RBM47: variants seen among roughly 807,000 people sequenced by gnomAD.
RBM47 encodes the protein RNA binding motif protein 47, also known as RNA-binding protein 47.
Under a neutral mutation model 47.1 loss-of-function variants are expected in RBM47, and 21 were observed. The observed-to-expected ratio is 0.45, with a 90% CI of 0.32 to 0.64. The LOEUF (loss-of-function observed/expected upper bound fraction) is 0.64, where lower values mean the gene tolerates loss of function less well. Ranked by LOEUF, RBM47 falls within the 30% of genes least tolerant of loss-of-function variation. The pLI, the probability that RBM47 is intolerant of heterozygous loss-of-function variation, is 0.05. For synonymous variants in RBM47, 375 were observed against 361.7 expected, an observed-to-expected ratio of 1.04 and a Z score of -0.42; for missense variants, 708 against 870.9, an observed-to-expected ratio of 0.81 and a Z score of 2.35.
At chr4:40,516,630 G>GTATTAT (rs1329696987) in intron 2 of RBM47, among the ~76,000 whole-genome samples, 2 of 152,114 alleles carry the variant, frequency 1.3e-5, no homozygotes, top group Admixed American at 1.3e-4. Flanking sequence ...GTTTACACAG[G>GTATTAT]TATTATTATT....
chr4:40,613,343 C>A (rs1453182135), intron 1 of RBM47, among the ~76,000 whole-genome samples: 1 of 151,740 alleles, frequency 6.6e-6, no homozygotes, highest in Non-Finnish European at 1.5e-5. Flanking sequence ...ATCAAGAAGT[C>A]CCTCAATAAA....
chr4:40,595,822 T>C (rs1020760796), intron 1 of RBM47, among the ~76,000 whole-genome samples: 1 of 152,064 alleles, frequency 6.6e-6, no homozygotes. Flanking sequence ...GGAGAATTGC[T>C]TGAACCCGGG....
At chr4:40,604,317 A>G (rs542772925) in intron 1 of RBM47, among the ~76,000 whole-genome samples, 21 of 152,300 alleles carry the variant, frequency 1.4e-4, no homozygotes, top group African/African-American at 4.8e-4. Context: ...CAGAGTAACA[A>G]CATGCTGCAA....
rs574846215 is a variant in RBM47 at position 40,466,222 on chromosome 4, C to T, written c.-32+355G>A. On this transcript the variant is annotated intron_variant, in intron 3 of 6. Transcript: ENST00000295971. Reference sequence around the variant, plus strand: ...GGTGAAGGCTGCAGTGAGCTGAGATCGTGCCACTGCACTCCACCCTGGGTA... The same window carrying T: ...GGTGAAGGCTGCAGTGAGCTGAGATTGTGCCACTGCACTCCACCCTGGGTA... Among the ~76,000 whole-genome samples, 13 of 144,576 alleles carry T rather than the reference C, an allele frequency of 9.0e-5. No individual in the cohort carries two copies. In the East Asian group the frequency reaches 1.6e-3, roughly 18 times the overall value. 94.8% of individuals were successfully genotyped at this position (144,576 alleles called of 152,430 possible). A position where few individuals can be genotyped will look rare whatever the true frequency, so the allele number is the denominator to read the frequency against.
chr4:40,507,159 G>C (rs1724216204), intron 2 of RBM47, among the ~76,000 whole-genome samples: 1 of 152,124 alleles, frequency 6.6e-6, no homozygotes, highest in South Asian at 2.1e-4. Flanking sequence ...GTTTCACCAT[G>C]TTGGCCAGGC....
intron 2 of RBM47, among the ~76,000 whole-genome samples, chr4:40,512,552 C>T (rs1325522983): frequency 6.7e-6 from 1 of 150,136 alleles, no homozygotes; most frequent in Non-Finnish European, 1.5e-5. Flanking sequence ...CCTGTCTCTA[C>T]AAAAATACAA....
At position 40,438,839 on chromosome 4, in the gene RBM47, A is replaced by T; in HGVS notation, c.55T>A (p.Ser19Thr). The T allele has an allele frequency of 1.3e-6, 2 of 1,557,796 alleles. No individual in the cohort carries two copies. The highest frequency in any genetic ancestry group is 1.7e-6 in the Non-Finnish European group (2 of 1,157,314). The change falls in exon 4 of 7, where the codon TCC becomes ACC. Residue 19 changes from serine to threonine, a missense_variant. Coordinates refer to ENST00000295971, the MANE Select transcript of RBM47 (RefSeq NM_001098634.2). The stretch of plus-strand genomic sequence containing the variant: ...GCCACGCCCTCGGGCACCTTGGCGG[A>T]GGACCCGGCGGCCGAGTCACTGCTC... ...AMSSDSAAGSSAKVPEGVAGA... is the reference protein window; with the variant it reads ...AMSSDSAAGSTAKVPEGVAGA...
At chr4:40,475,820 G>A (rs971814873) in intron 2 of RBM47, 23 of 152,198 alleles carry the variant, frequency 1.5e-4, no homozygotes, top group African/African-American at 4.8e-4. Context: ...ATTGGTCAAC[G>A]AAATGAGCTT....
chr4:40,535,996 C>T (rs1727943319), intron 2 of RBM47, among the ~76,000 whole-genome samples: 2 of 152,254 alleles, frequency 1.3e-5, no homozygotes, highest in Admixed American at 1.3e-4. Flanking sequence ...CCACTGCGCC[C>T]AGCCTCTGGT....
chr4:40,602,051 C>G (rs927360290), intron 1 of RBM47, among the ~76,000 whole-genome samples: 3 of 151,908 alleles, frequency 2.0e-5, no homozygotes, highest in African/African-American at 7.3e-5. Context: ...CACCTGTAAT[C>G]CCAGCTACTC....
At chr4:40,584,081 C>G (rs1054199608) in intron 1 of RBM47, among the ~76,000 whole-genome samples, 6 of 152,058 alleles carry the variant, frequency 3.9e-5, no homozygotes, top group African/African-American at 1.4e-4. Context: ...CCTCCTACCT[C>G]AGCCTCAGAG....
At chr4:40,565,912 TA>T (rs1387493379) in intron 1 of RBM47, among the ~76,000 whole-genome samples, 1 of 151,120 alleles carries the variant, frequency 6.6e-6, no homozygotes, top group Non-Finnish European at 1.5e-5. Flanking sequence ...CTACAAAAAA[TA>T]AAAAACTAGC....
At chr4:40,572,022 CAAAAAG>C (rs1731770890) in intron 1 of RBM47, among the ~76,000 whole-genome samples, 1 of 88,254 alleles carries the variant, frequency 1.1e-5, no homozygotes, top group Non-Finnish European at 1.9e-5. Context: ...GACTCCATCT[CAAAAAG>C]AAAAAAAAAA....
intron 1 of RBM47, among the ~76,000 whole-genome samples, chr4:40,595,994 CCT>C (rs748455925): frequency 3.9e-5 from 6 of 152,104 alleles, no homozygotes; most frequent in African/African-American, 7.2e-5. Flanking sequence ...GTGGACGCAG[CCT>C]CTCTGCACGC....
At chr4:40,597,485 G>A (rs1734863257) in intron 1 of RBM47, among the ~76,000 whole-genome samples, 1 of 151,336 alleles carries the variant, frequency 6.6e-6, no homozygotes, top group Non-Finnish European at 1.5e-5. Flanking sequence ...TGGAGGCTGA[G>A]GCAGGAGAAT....
chr4:40,466,462 C>T (rs55933108), intron 3 of RBM47, 115 bp downstream of exon 3: 14,999 of 152,068 alleles, frequency 0.099, 892 homozygotes, highest in Non-Finnish European at 0.14. Flanking sequence ...AACGTTGCCA[C>T]ATGAACACAC....
At chr4:40,601,745 C>T (rs1390215268) in intron 1 of RBM47, among the ~76,000 whole-genome samples, 3 of 152,216 alleles carry the variant, frequency 2.0e-5, no homozygotes. Context: ...TTCCTCTGCT[C>T]TCTGTTCCTG....
intron 2 of RBM47, among the ~76,000 whole-genome samples, chr4:40,486,069 C>CAAGAAAAAAA (rs1721039861): frequency 1.6e-5 from 1 of 62,818 alleles, no homozygotes; most frequent in Non-Finnish European, 3.5e-5. Context: ...AACCCTGTTT[C>CAAGAAAAAAA]AAAAAAAAAA....
Position 40,437,861 on chromosome 4 carries a change from A to AGCTGGGCT in RBM47, c.1025_1032dup (p.Tyr345SerfsTer32). On this transcript the variant is annotated frameshift_variant, in exon 4 of 7. Coordinates refer to ENST00000295971, the MANE Select transcript of RBM47 (RefSeq NM_001098634.2). LOFTEE classifies it high-confidence loss of function. ...GTGTAGGGGTCGCAGGAGTACACGT[A>AGCTGGGCT]GCTGGGCTGCTGCGCTGCCTCAGCC... The AGCTGGGCT allele has an allele frequency of 1.2e-6, 2 of 1,613,996 alleles. No individual in the cohort carries two copies. Among genetic ancestry groups the AGCTGGGCT allele is most frequent in the Non-Finnish European group, 1.7e-6 (2 of 1,180,002 alleles).
Sources: allele counts gnomAD v4.1 joint callset (sites outside exome capture counted in the v4.1 genomes callset), GRCh38; gene constraint gnomAD v4.1.1; transcripts MANE v1.5; gene names NCBI Gene and HGNC (gene_info 2026-07-23, HGNC 2026-07-21).